The following HGD variants were observed in gnomAD, a reference collection of about 807,000 sequenced individuals.
HGD encodes the protein homogentisate 1,2-dioxygenase, also known as homogentisate oxidase.
A neutral mutation model predicts 60.8 loss-of-function variants in HGD; 61 were observed. The observed-to-expected ratio is 1.00, with a 90% CI of 0.82 to 1.24. The LOEUF is 1.24. Ranked by LOEUF, HGD falls within the 50% of genes most tolerant of loss-of-function variation. The pLI is 0.00. For synonymous variants in HGD, 212 were observed against 187.7 expected, an observed-to-expected ratio of 1.13 and a Z score of -1.06; for missense variants, 542 against 547.1, an observed-to-expected ratio of 0.99 and a Z score of 0.09.
At chr3:120,677,783 C>T (rs1022649631) in intron 1 of HGD, 4 of 152,212 alleles carry the variant, frequency 2.6e-5, no homozygotes, top group Admixed American at 6.5e-5. Context: ...TGGGGCATCA[C>T]GGAACCTACC....
At chr3:120,659,066 C>T (rs1002394721) in intron 4 of HGD, among the ~76,000 whole-genome samples, 4 of 152,188 alleles carry the variant, frequency 2.6e-5, no homozygotes, top group Non-Finnish European at 4.4e-5. Context: ...GAGGCCTTTC[C>T]CACATTGTCT....
rs1357020990 is a variant in HGD, at chr3:120,644,340, G to A, written c.753C>T (p.Gly251=). 3 of 1,614,060 alleles carry A rather than the reference G, an allele frequency of 1.9e-6. No homozygotes were observed. The highest frequency in any genetic ancestry group is 8.5e-7 in the Non-Finnish European group (1 of 1,179,990). ...GGYTVINKYQ[G]KLFAAKQDVS... The stretch of plus-strand genomic sequence containing the variant: ...TTACCTGTTTGGCAGCAAACAGCTT[G>A]CCCTGGTATTTATTAATGACCGTGT... Residue 251 remains glycine, a synonymous_variant, in exon 10 of 14, where the codon GGC becomes GGT. Coordinates refer to ENST00000283871, the MANE Select transcript of HGD (RefSeq NM_000187.4).
intron 11 of HGD, among the ~76,000 whole-genome samples, chr3:120,641,029 G>C (rs3755561): frequency 0.12 from 18,979 of 152,116 alleles, 1,235 homozygotes; most frequent in East Asian, 0.19. Context: ...TTTGTGGCCT[G>C]CGAACTGAGT....
chr3:120,635,551 A>G (rs1449437014), intron 12 of HGD, among the ~76,000 whole-genome samples: 1 of 151,226 alleles, frequency 6.6e-6, no homozygotes, highest in Non-Finnish European at 1.5e-5. Context: ...CAATATTTCT[A>G]TAGAAATAAT....
At chr3:120,682,070 T>C (rs1369317801) in intron 1 of HGD, 27 bp downstream of exon 1, 10 of 1,612,782 alleles carry the variant, frequency 6.2e-6, no homozygotes, top group African/African-American at 1.3e-5. Context: ...GAAGAAGCCA[T>C]AGCAAACTTG....
chr3:120,644,419 C>A lies in HGD; in HGVS notation c.674G>T (p.Arg225Leu), dbSNP rs562853291. 1 of 1,614,090 alleles carries A rather than the reference C, an allele frequency of 6.2e-7. No homozygotes were observed. The highest frequency in any genetic ancestry group is 8.5e-7 in the Non-Finnish European group (1 of 1,180,006). Reference protein sequence around the residue: ...PIGANGLANPRDFLIPIAWYE... With the variant: ...PIGANGLANPLDFLIPIAWYE... ...CCAGGCAATGGGTATCAAGAAATCACGAGGATTGGCCAAGCCATTGGCCCC... is the reference window on the plus strand; with the variant it reads ...CCAGGCAATGGGTATCAAGAAATCAAGAGGATTGGCCAAGCCATTGGCCCC... Residue 225 changes from arginine to leucine, a missense_variant, in exon 10 of 14, where the codon CGT (arginine) becomes CTT (leucine). Coordinates refer to ENST00000283871, the MANE Select transcript of HGD (RefSeq NM_000187.4).
At chr3:120,673,950 C>A (rs1337417775) in intron 3 of HGD, among the ~76,000 whole-genome samples, 1 of 152,172 alleles carries the variant, frequency 6.6e-6, no homozygotes, top group Admixed American at 6.5e-5. Flanking sequence ...GGCCACACAG[C>A]TGGAAAAGGA....
At chr3:120,654,685 GA>G (rs1275167582) in intron 4 of HGD, among the ~76,000 whole-genome samples, 2 of 152,226 alleles carry the variant, frequency 1.3e-5, no homozygotes, top group Non-Finnish European at 2.9e-5. Flanking sequence ...GGGAAAGAAA[GA>G]AGAGAGAGAG....
chr3:120,642,056 C>A (rs1360155407), intron 10 of HGD, among the ~76,000 whole-genome samples: 1 of 152,180 alleles, frequency 6.6e-6, no homozygotes, highest in Non-Finnish European at 1.5e-5. Context: ...TTTCCTGGAA[C>A]AGAGAGTACC....
intron 6 of HGD, among the ~76,000 whole-genome samples, chr3:120,648,364 G>A (rs147895158): frequency 0.021 from 3,238 of 152,294 alleles, 51 homozygotes; most frequent in Middle Eastern, 0.041. Flanking sequence ...AGGCCAATGC[G>A]GCTCAAGTGG....
intron 4 of HGD, among the ~76,000 whole-genome samples, chr3:120,653,560 A>C (rs984049356): frequency 1.3e-5 from 2 of 152,230 alleles, no homozygotes; most frequent in Non-Finnish European, 2.9e-5. Context: ...CAAGTGGAAA[A>C]GGCAGCCTTG....
At chr3:120,643,837 G>A (rs1465851780) in intron 10 of HGD, among the ~76,000 whole-genome samples, 1 of 152,130 alleles carries the variant, frequency 6.6e-6, no homozygotes, top group Non-Finnish European at 1.5e-5. Flanking sequence ...CAGCCTGGTG[G>A]TACAAACCAA....
rs185287160 is a variant in HGD, at chr3:120,629,102, G to C, written c.1189-573C>G. 1.1e-4 allele frequency among the ~76,000 whole-genome samples: 16 copies of C among 152,290 alleles called. No homozygotes were observed. In the East Asian group the frequency reaches 2.5e-3, roughly 24 times the overall value. Reference sequence around the variant, plus strand: ...GAGAGGGAGGTGAAGGAAATGGCAGGAATGGCTGTAGCACTTTTAAAAGTC... The same window carrying C: ...GAGAGGGAGGTGAAGGAAATGGCAGCAATGGCTGTAGCACTTTTAAAAGTC... On this transcript the variant is annotated intron_variant, in intron 13 of 13. Coordinates refer to ENST00000283871, the MANE Select transcript of HGD (RefSeq NM_000187.4).
chr3:120,645,332 T>C (rs1941126561), intron 9 of HGD, among the ~76,000 whole-genome samples: 1 of 152,140 alleles, frequency 6.6e-6, no homozygotes, highest in Non-Finnish European at 1.5e-5. Flanking sequence ...CATATTTGGA[T>C]TCCTCAGAGG....
intron 4 of HGD, among the ~76,000 whole-genome samples, chr3:120,664,943 G>A (rs1338134638): frequency 6.6e-6 from 1 of 152,210 alleles, no homozygotes; most frequent in Non-Finnish European, 1.5e-5. Context: ...ATTGTGTAAA[G>A]AGGGTATAAA....
At chr3:120,669,382 C>T (rs372292010) in intron 4 of HGD, among the ~76,000 whole-genome samples, 7 of 150,884 alleles carry the variant, frequency 4.6e-5, no homozygotes, top group Admixed American at 1.3e-4. Flanking sequence ...CTAGTAAGTC[C>T]GAACTACTCC....
At chr3:120,636,758 G>A (rs966633166) in intron 12 of HGD, among the ~76,000 whole-genome samples, 1 of 152,158 alleles carries the variant, frequency 6.6e-6, no homozygotes, top group Non-Finnish European at 1.5e-5. Context: ...ACCATGGAGT[G>A]GCCTACGTCC....
chr3:120,678,876 G>A (rs945208139), intron 1 of HGD, among the ~76,000 whole-genome samples: 1 of 152,206 alleles, frequency 6.6e-6, no homozygotes, highest in African/African-American at 2.4e-5. Flanking sequence ...CTCAAGGACA[G>A]AATCTGAACT....
intron 4 of HGD, among the ~76,000 whole-genome samples, chr3:120,655,706 T>C (rs1025956267): frequency 6.6e-6 from 1 of 152,184 alleles, no homozygotes; most frequent in African/African-American, 2.4e-5. Flanking sequence ...AGCTTTATTG[T>C]ATGCTGTGGA....
Sources: gnomAD v4.1 joint callset for allele counts (sites outside exome capture counted in the v4.1 genomes callset) on GRCh38, gnomAD v4.1.1 for gene constraint, MANE v1.5 for transcripts, NCBI Gene and HGNC (gene_info 2026-07-23, HGNC 2026-07-21) for gene names.